Variants in NEGR1 observed in about 807,000 individuals in gnomAD.
NEGR1 encodes the protein IgLON family member 4.
A neutral mutation model predicts 40.9 loss-of-function variants in NEGR1; 10 were observed. That is an observed-to-expected ratio of 0.24 (90% CI 0.15 to 0.42). The LOEUF (loss-of-function observed/expected upper bound fraction) is 0.42. NEGR1 is among the 10% of genes least tolerant of loss of function. NEGR1 has a pLI of 1.00. For missense variants in NEGR1, 352 were observed against 438.9 expected (o/e 0.80, Z 1.77); for synonymous variants, 185 against 166.8 (o/e 1.11, Z -0.84).
chr1:71,771,921 G>A (rs559988883), intron 3 of NEGR1, among the ~76,000 whole-genome samples: 1 of 152,092 alleles, frequency 6.6e-6, no homozygotes, highest in Non-Finnish European at 1.5e-5. Context: ...TCTAAGGGCA[G>A]AGTTGACAAA....
intron 2 of NEGR1, among the ~76,000 whole-genome samples, chr1:71,876,100 C>T (rs905274180): frequency 1.3e-5 from 2 of 152,146 alleles, no homozygotes; most frequent in Non-Finnish European, 2.9e-5. Flanking sequence ...ACGAGGAGCT[C>T]GGACTTCCTT....
At chr1:71,946,536 A>G (rs1646020599) in intron 1 of NEGR1, among the ~76,000 whole-genome samples, 2 of 152,146 alleles carry the variant, frequency 1.3e-5, no homozygotes, top group South Asian at 4.1e-4. Flanking sequence ...ACAGCCATTT[A>G]AAACAAGATG....
intron 1 of NEGR1, among the ~76,000 whole-genome samples, chr1:72,181,106 A>G (rs1652350668): frequency 6.6e-6 from 1 of 152,128 alleles, no homozygotes; most frequent in South Asian, 2.1e-4. Context: ...AACCATAGGC[A>G]TTGGCCTTTA....
intron 6 of NEGR1, among the ~76,000 whole-genome samples, chr1:71,582,955 C>T (rs1248192136): frequency 1.3e-5 from 2 of 152,100 alleles, no homozygotes; most frequent in Non-Finnish European, 2.9e-5. Flanking sequence ...AGTGATGAAG[C>T]TTTCAAAAGC....
At chr1:71,814,988 T>C (rs1658148416) in intron 2 of NEGR1, among the ~76,000 whole-genome samples, 2 of 152,112 alleles carry the variant, frequency 1.3e-5, no homozygotes, top group African/African-American at 2.4e-5. Flanking sequence ...GTTATTTTAG[T>C]TGTAACATCA....
At chr1:72,274,929 C>A in intron 1 of NEGR1, 1 of 1,556,706 alleles carries the variant, frequency 6.4e-7, no homozygotes. Flanking sequence ...ATATCTACGT[C>A]TGCATGATCT....
intron 6 of NEGR1, among the ~76,000 whole-genome samples, chr1:71,564,550 C>A (rs1648558310): frequency 6.6e-6 from 1 of 152,096 alleles, no homozygotes; most frequent in Non-Finnish European, 1.5e-5. Flanking sequence ...TATTTCCTCC[C>A]TGTCTCAATC....
intron 6 of NEGR1, among the ~76,000 whole-genome samples, chr1:71,535,485 A>G (rs1413676780): frequency 6.6e-6 from 1 of 151,802 alleles, no homozygotes; most frequent in Non-Finnish European, 1.5e-5. Context: ...TTTACTGCAT[A>G]AAAAATTATG....
intron 1 of NEGR1, among the ~76,000 whole-genome samples, chr1:72,153,280 C>A (rs966802702): frequency 4.0e-5 from 6 of 151,818 alleles, no homozygotes; most frequent in African/African-American, 1.2e-4. Flanking sequence ...AAGACTAATT[C>A]AGTGGAATAA....
chr1:71,935,502 T>C (rs2256783), intron 1 of NEGR1, among the ~76,000 whole-genome samples, 191 bp from the exon 2 acceptor site: 87,348 of 151,846 alleles, frequency 0.58, 27,229 homozygotes, highest in African/African-American at 0.81. Flanking sequence ...ACAATACTTG[T>C]GTACAGTTTT....
intron 1 of NEGR1, among the ~76,000 whole-genome samples, chr1:72,049,988 T>C (rs960525666): frequency 6.6e-6 from 1 of 151,574 alleles, no homozygotes; most frequent in Non-Finnish European, 1.5e-5. Context: ...TGTTGATTTG[T>C]AGTTGAAGTA....
chr1:71,969,221 G>T (rs530708412), intron 1 of NEGR1, among the ~76,000 whole-genome samples: 2 of 152,110 alleles, frequency 1.3e-5, no homozygotes, highest in African/African-American at 4.8e-5. Flanking sequence ...CACCATGTTG[G>T]CCAGGCTGGT....
intron 1 of NEGR1, among the ~76,000 whole-genome samples, chr1:72,168,008 T>TTA (rs1201015423): frequency 0.072 from 2,623 of 36,316 alleles, 36 homozygotes; most frequent in South Asian, 0.12. Flanking sequence ...TATTATTATT[T>TTA]TTTTTTTTTT....
intron 2 of NEGR1, among the ~76,000 whole-genome samples, chr1:71,807,827 C>CA (rs1040683152): frequency 6.6e-6 from 1 of 151,984 alleles, no homozygotes; most frequent in Non-Finnish European, 1.5e-5. Flanking sequence ...GTATCATCAC[C>CA]AAAAAAGCTC....
chr1:71,495,236 T>C (rs535591501), intron 6 of NEGR1, among the ~76,000 whole-genome samples: 14 of 152,068 alleles, frequency 9.2e-5, no homozygotes, highest in South Asian at 2.1e-4. Context: ...CCTAGCACTT[T>C]GGGAGGCCAA....
At chr1:71,566,818 G>T (rs1258666911) in intron 6 of NEGR1, among the ~76,000 whole-genome samples, 1 of 152,098 alleles carries the variant, frequency 6.6e-6, no homozygotes, top group East Asian at 1.9e-4. Context: ...AGTTCTGAAG[G>T]CTGGGAAATC....
chr1:72,051,496 G>A (rs936486460), intron 1 of NEGR1, among the ~76,000 whole-genome samples: 1 of 151,432 alleles, frequency 6.6e-6, no homozygotes, highest in Non-Finnish European at 1.5e-5. Flanking sequence ...CAAAATTGTT[G>A]TCATTTCTAT....
intron 1 of NEGR1, among the ~76,000 whole-genome samples, chr1:72,082,857 A>G (rs368933331): frequency 3.0e-4 from 46 of 152,246 alleles, no homozygotes; most frequent in African/African-American, 9.9e-4. Context: ...AATTTTCTTC[A>G]CTCAAACACA....
chr1:72,104,384 G>C (rs1043005547), intron 1 of NEGR1, among the ~76,000 whole-genome samples: 4 of 152,024 alleles, frequency 2.6e-5, no homozygotes, highest in Admixed American at 2.6e-4. Flanking sequence ...CGGAAGCAGA[G>C]GCCCAAATGA....
Sources: allele counts gnomAD v4.1 joint callset (sites outside exome capture counted in the v4.1 genomes callset), GRCh38; gene constraint gnomAD v4.1.1; transcripts MANE v1.5; gene names NCBI Gene and HGNC (gene_info 2026-07-23, HGNC 2026-07-21).